TAP2: variants seen among roughly 807,000 people sequenced by gnomAD.
The protein encoded by TAP2 is transporter 2, ATP binding cassette subfamily B member.
A neutral mutation model predicts 74.7 loss-of-function variants in TAP2; 49 were observed. That is an observed-to-expected ratio of 0.66 (90% confidence interval 0.52 to 0.83). TAP2 has a LOEUF of 0.83. Ranked by LOEUF, TAP2 falls within the 40% of genes least tolerant of loss-of-function variation. TAP2 has a pLI of 0.00. For missense variants in TAP2, 739 were observed against 859.0 expected, an observed-to-expected ratio of 0.86 and a Z score of 1.75; for synonymous variants, 306 against 368.4, an observed-to-expected ratio of 0.83 and a Z score of 1.94.
Position 32,826,756 on chromosome 6 carries a change from GTTGCATTATTT to G in TAP2, c.*2139_*2149del, listed in dbSNP as rs1355660403. On this transcript the variant is annotated 3_prime_UTR_variant, in exon 12 of 12. Transcript: ENST00000374897. ...TTTCTCTGTAAAATTAGGTTTGACTGTTGCATTATTTTTAAGATGCCTTCCAGGCTTAAAGT... is the reference window on the plus strand; with the variant it reads ...TTTCTCTGTAAAATTAGGTTTGACTGTTAAGATGCCTTCCAGGCTTAAAGT... 184 of 985,426 alleles carry G rather than the reference GTTGCATTATTT, an allele frequency of 1.9e-4. No individual in the cohort carries two copies. Among genetic ancestry groups the G allele is most frequent in the Non-Finnish European group, 2.2e-4 (180 of 829,930 alleles). The allele number at this position is 985,426 out of a possible 1,614,324, so 61.0% of individuals were successfully genotyped here. A position where few individuals can be genotyped will look rare whatever the true frequency, so the allele number is the denominator to read the frequency against.
At chr6:32,829,793 G>T in intron 10 of TAP2, 137 bp downstream of exon 10, 8 of 1,256,962 alleles carry the variant, frequency 6.4e-6, no homozygotes, top group Non-Finnish European at 9.2e-6. Flanking sequence ...AGTGTGTGGG[G>T]AAGGAGACGT....
At position 32,826,868 on chromosome 6, in the gene TAP2, G is replaced by A. The variant is rs556951084; in HGVS notation, c.*2038C>T. On this transcript the variant is annotated 3_prime_UTR_variant, in exon 12 of 12. Transcript: ENST00000374897. Reference sequence around the variant, plus strand: ...ATCATCTTCTTCTGTGAGGGCTGCAGCTTCCATGTAGTTGGGAGATACAGG... The same window carrying A: ...ATCATCTTCTTCTGTGAGGGCTGCAACTTCCATGTAGTTGGGAGATACAGG... 2.0e-6 allele frequency: 2 copies of A among 985,438 alleles called. No individual in the cohort carries two copies. Among genetic ancestry groups the A allele is most frequent in the East Asian group, 2.3e-4 (2 of 8,824 alleles). 61.0% of individuals were successfully genotyped at this position (985,438 alleles called of 1,614,324 possible).
At chr6:32,833,137 G>C (rs1473637467) in intron 5 of TAP2, among the ~76,000 whole-genome samples, 2 of 152,186 alleles carry the variant, frequency 1.3e-5, no homozygotes, top group African/African-American at 4.8e-5. Context: ...AGATAGTTAA[G>C]AAAGGTGGAG....
chr6:32,833,640 T>C (rs1481606343), intron 5 of TAP2, among the ~76,000 whole-genome samples: 2 of 151,612 alleles, frequency 1.3e-5, no homozygotes, highest in Non-Finnish European at 1.5e-5. Flanking sequence ...CAACAGAAAG[T>C]GGTGTTGATG....
At chr6:32,836,179 C>T (rs1481668452) in intron 3 of TAP2, among the ~76,000 whole-genome samples, 1 of 152,146 alleles carries the variant, frequency 6.6e-6, no homozygotes, top group Non-Finnish European at 1.5e-5. Context: ...CTCCTTCCTG[C>T]CCCATACCCA....
chr6:32,832,920 A>G lies in TAP2; in HGVS notation c.946-96T>C, dbSNP rs1162210994. On this transcript the variant is annotated intron_variant, in intron 5 of 11. Coordinates refer to ENST00000374897, the MANE Select transcript of TAP2 (RefSeq NM_001290043.2). The surrounding 1 kb of genome is among the most constrained non-coding windows in gnomAD (Gnocchi z 5.9). ...CAGTGAGATGCTCCCTAGTCTACCT[A>G]AAAATACCAAACTGTTTCTCTCCCT... is the stretch of plus-strand genomic sequence containing the variant. 2 of 1,337,602 alleles carry G rather than the reference A, an allele frequency of 1.5e-6. No homozygotes were observed. Among genetic ancestry groups the G allele is most frequent in the African/African-American group, 2.9e-5 (2 of 69,520 alleles). The allele number at this position is 1,337,602 out of a possible 1,614,324, so 82.9% of individuals were successfully genotyped here.
rs377614469 is a variant in TAP2 at position 32,829,930 on chromosome 6, C to T, written c.1795G>A (p.Asp599Asn). ...CAAGCTTACAATTTGTAGAAGATAC[C>T]TGTGTATATTCCATGCTCCATTTCC... Reference protein sequence around the residue: ...IQEMEHGIYTDVGEKGSQLAA... With the variant: ...IQEMEHGIYTNVGEKGSQLAA... Residue 599 changes from aspartate to asparagine, a missense_variant and splice_region_variant, in exon 10 of 12, where the codon GAT (aspartate) becomes AAT (asparagine). By Grantham distance (23) the Asp-to-Asn change is conservative (BLOSUM62 1). Transcript: ENST00000374897. 5.0e-6 allele frequency: 8 copies of T among 1,612,958 alleles called. No individual in the cohort carries two copies. Among genetic ancestry groups the T allele is most frequent in the Non-Finnish European group, 6.8e-6 (8 of 1,180,012 alleles).
In TAP2 at chr6:32,826,422, G is replaced by C. The variant is rs1339185365; in HGVS notation, c.*2484C>G. 1 of 985,154 alleles carries C rather than the reference G, an allele frequency of 1.0e-6. No individual in the cohort carries two copies. The highest frequency in any genetic ancestry group is 1.2e-6 in the Non-Finnish European group (1 of 829,962). The allele number at this position is 985,154 out of a possible 1,614,324, so 61.0% of individuals were successfully genotyped here. ...TAAGCGACAAGAAGGGGAAATTACA[G>C]GGTAAGGAGATCAATCAAATGGTGA... On this transcript the variant is annotated 3_prime_UTR_variant, in exon 12 of 12. Transcript: ENST00000374897.
In TAP2 at chr6:32,826,131, T is replaced by C. The variant is rs1768634120; in HGVS notation, c.*2775A>G. ...ACAAGGAAGATCTTTGTTTTCCTTATTCCCTAGTCCTTTCCCCACAAAATT... is the reference window on the plus strand; with the variant it reads ...ACAAGGAAGATCTTTGTTTTCCTTACTCCCTAGTCCTTTCCCCACAAAATT... On this transcript the variant is annotated 3_prime_UTR_variant, in exon 12 of 12. Transcript: ENST00000374897. 3 of 985,356 alleles carry C rather than the reference T, an allele frequency of 3.0e-6. No individual in the cohort carries two copies. Among genetic ancestry groups the C allele is most frequent in the African/African-American group, 3.5e-5 (2 of 57,252 alleles). 61.0% of individuals were successfully genotyped at this position (985,356 alleles called of 1,614,324 possible).
Position 32,826,966 on chromosome 6 carries a change from C to T in TAP2, c.*1940G>A. ...GGAATCAGGCCAGAGTTCTTTCTCT[C>T]CAAATGCCTATTTTACCCTCTGTGA... On this transcript the variant is annotated 3_prime_UTR_variant, in exon 12 of 12. Transcript: ENST00000374897. 1 of 985,378 alleles carries T rather than the reference C, an allele frequency of 1.0e-6. No homozygotes were observed. Among genetic ancestry groups the T allele is most frequent in the Non-Finnish European group, 1.2e-6 (1 of 829,922 alleles). 61.0% of individuals were successfully genotyped at this position (985,378 alleles called of 1,614,324 possible).
intron 11 of TAP2, 97 bp from the exon 12 acceptor site, chr6:32,829,131 T>C: frequency 1.3e-6 from 2 of 1,509,506 alleles, no homozygotes; most frequent in Non-Finnish European, 1.8e-6. Context: ...AAAGAAGGTG[T>C]GAAATAAAAG....
rs976189852 is a variant in TAP2, at chr6:32,835,827, C to T, written c.609-54G>A. ...GAGATGCAGAGAAGGAGCAAGCCAG[C>T]GGGTGAAACAGAGGAGCAAGCCAGG... On this transcript the variant is annotated intron_variant, in intron 3 of 11. Transcript: ENST00000374897. The surrounding 1 kb of genome is among the most constrained non-coding windows in gnomAD (Gnocchi z 4.0). 6.2e-6 allele frequency: 10 copies of T among 1,611,298 alleles called. No homozygotes were observed. The highest frequency in any genetic ancestry group is 4.0e-5 in the African/African-American group (3 of 74,762).
At chr6:32,823,277 T>G (rs1284825807), downstream of TAP2, among the ~76,000 whole-genome samples, 1 of 152,204 alleles carries the variant, frequency 6.6e-6, no homozygotes, top group Non-Finnish European at 1.5e-5. Flanking sequence ...AGTGTTCTAT[T>G]GGTAGTACAT....
intron 7 of TAP2, among the ~76,000 whole-genome samples, chr6:32,831,236 G>A (rs1769058495): frequency 6.6e-6 from 1 of 152,170 alleles, no homozygotes; most frequent in Non-Finnish European, 1.5e-5. Context: ...ATAAAGCCCT[G>A]GATGAAGTAG....
intron 7 of TAP2, among the ~76,000 whole-genome samples, chr6:32,831,700 A>G (rs1769087803): frequency 6.8e-6 from 1 of 147,600 alleles, no homozygotes; most frequent in African/African-American, 2.6e-5. Flanking sequence ...TTCAACAAAT[A>G]AACTGTGCAA....
chr6:32,838,354 A>ATCCTATTC, intron 1 of TAP2, 117 bp from the exon 2 acceptor site: 1 of 1,369,146 alleles, frequency 7.3e-7, no homozygotes, highest in Non-Finnish European at 9.5e-7. Context: ...TATCCTATTC[A>ATCCTATTC]ACCCTGAGAG....
In TAP2 at chr6:32,828,975, C is replaced by G; in HGVS notation, c.1992G>C (p.Gln664His). ...RTVLVIAHRLQTVQRAHQILV... is the reference protein window; with the variant it reads ...RTVLVIAHRLHTVQRAHQILV... ...GGATCTGGTGGGCGCGCTGAACTGTCTGCAGCCTGTGAGCAATCACCAGCA... is the reference window on the plus strand; with the variant it reads ...GGATCTGGTGGGCGCGCTGAACTGTGTGCAGCCTGTGAGCAATCACCAGCA... Residue 664 changes from glutamine to histidine, a missense_variant, in exon 12 of 12, where the codon CAG (glutamine) becomes CAC (histidine). Gln to His is a conservative substitution (Grantham distance 24). Coordinates refer to ENST00000374897, the MANE Select transcript of TAP2 (RefSeq NM_001290043.2). 1.3e-6 allele frequency: 2 copies of G among 1,550,660 alleles called. No individual in the cohort carries two copies. The highest frequency in any genetic ancestry group is 1.2e-5 in the South Asian group (1 of 83,906).
chr6:32,835,245 A>G lies in TAP2; in HGVS notation c.854T>C (p.Met285Thr). The part of the protein sequence containing the change: ...LVKVVGLYGF[M>T]LSISPRLTLL... ...GGTGAGTCGAGGCGATATGCTGAGC[A>G]TGAAGCCATACAGCCCCACCACTTT... is the stretch of plus-strand genomic sequence containing the variant. The change falls in exon 5 of 12, where the codon ATG (methionine) becomes ACG (threonine). Residue 285 changes from methionine to threonine, a missense_variant. By Grantham distance (81) the Met-to-Thr change is moderately conservative (BLOSUM62 -1). Coordinates refer to ENST00000374897, the MANE Select transcript of TAP2 (RefSeq NM_001290043.2). The surrounding 1 kb of genome is among the most constrained non-coding windows in gnomAD (Gnocchi z 4.0). The G allele has an allele frequency of 1.9e-6, 3 of 1,613,098 alleles. No homozygotes were observed. Among genetic ancestry groups the G allele is most frequent in the Non-Finnish European group, 2.5e-6 (3 of 1,180,038 alleles).
chr6:32,834,123 C>T (rs534448461), intron 5 of TAP2, among the ~76,000 whole-genome samples: 9 of 152,314 alleles, frequency 5.9e-5, no homozygotes, highest in African/African-American at 2.2e-4. Context: ...TATGATCCAG[C>T]AGCTCCACTT....
Sources: allele counts gnomAD v4.1 joint callset (sites outside exome capture counted in the v4.1 genomes callset), GRCh38; gene constraint gnomAD v4.1.1; non-coding constraint Gnocchi (gnomAD v3.1); transcripts MANE v1.5; gene names NCBI Gene and HGNC (gene_info 2026-07-23, HGNC 2026-07-21).